AP3B1: variants seen among roughly 807,000 people sequenced by gnomAD.
AP3B1 encodes the protein AP-3 complex subunit beta-1.
A neutral mutation model predicts 132.5 loss-of-function variants in AP3B1; 61 were observed. That is an observed-to-expected ratio of 0.46 (90% confidence interval 0.37 to 0.57). The LOEUF is 0.57. Ranked by LOEUF, AP3B1 falls within the 20% of genes least tolerant of loss-of-function variation. The pLI, the probability that AP3B1 is intolerant of heterozygous loss-of-function variation, is 0.00. For synonymous variants in AP3B1, 388 were observed against 438.3 expected (o/e 0.89, Z 1.43); for missense variants, 1,120 against 1,289.4 (o/e 0.87, Z 2.01).
chr5:78,011,638 C>G (rs1746631042), intron 26 of AP3B1, among the ~76,000 whole-genome samples: 1 of 152,128 alleles, frequency 6.6e-6, no homozygotes, highest in South Asian at 2.1e-4. Flanking sequence ...TTTTCTGTTG[C>G]TGTGTTAGGA....
chr5:78,168,408 G>C (rs537796681), intron 11 of AP3B1, among the ~76,000 whole-genome samples: 1 of 151,588 alleles, frequency 6.6e-6, no homozygotes. Context: ...TTTTTTTGTA[G>C]GGACGGAGTC....
intron 23 of AP3B1, among the ~76,000 whole-genome samples, chr5:78,035,929 G>T (rs1747791461): frequency 6.6e-6 from 1 of 152,010 alleles, no homozygotes; most frequent in Non-Finnish European, 1.5e-5. Flanking sequence ...GCTGCTCCAG[G>T]CTATTCTTGA....
intron 18 of AP3B1, 141 bp from the exon 19 acceptor site, chr5:78,114,064 C>A (rs1751718262): frequency 1.5e-5 from 14 of 912,914 alleles, no homozygotes; most frequent in Non-Finnish European, 2.3e-5. Flanking sequence ...ACATTTTATT[C>A]CCACACCCCA....
In AP3B1 at chr5:78,279,216, T is replaced by C. The variant is rs190345345; in HGVS notation, c.129-11621A>G. Among the ~76,000 whole-genome samples the C allele has an allele frequency of 3.6e-3, 546 of 152,272 alleles. 3 individuals carry two copies. Among genetic ancestry groups the C allele is most frequent in the Middle Eastern group, 0.024 (7 of 294 alleles). Reference sequence around the variant, plus strand: ...TGAATGGGAGTTATGAGATATGGGATTGGAAGTTATATCCTTTCCACATCA... The same window carrying C: ...TGAATGGGAGTTATGAGATATGGGACTGGAAGTTATATCCTTTCCACATCA... On this transcript the variant is annotated intron_variant, in intron 1 of 26. Transcript: ENST00000255194.
intron 6 of AP3B1, among the ~76,000 whole-genome samples, chr5:78,221,743 A>G (rs917629785): frequency 6.6e-6 from 1 of 151,966 alleles, no homozygotes; most frequent in Non-Finnish European, 1.5e-5. Context: ...AAGAAAAAAA[A>G]TAACAGAATT....
At chr5:78,071,247 T>C (rs1261999253) in intron 22 of AP3B1, among the ~76,000 whole-genome samples, 1 of 152,224 alleles carries the variant, frequency 6.6e-6, no homozygotes, top group Admixed American at 6.5e-5. Context: ...AACAAGATCA[T>C]GTCCTTCACA....
chr5:78,193,770 A>ATATATATATATATATATATTTTTTTT, intron 7 of AP3B1, among the ~76,000 whole-genome samples: 2 of 67,214 alleles, frequency 3.0e-5, no homozygotes, highest in African/African-American at 5.2e-5. Context: ...ATATATATAT[A>ATATATATATATATATATATTTTTTTT]TTTTTTTTTT....
At chr5:78,144,969 G>A (rs368804549) in intron 14 of AP3B1, among the ~76,000 whole-genome samples, 19 of 152,050 alleles carry the variant, frequency 1.2e-4, no homozygotes, top group South Asian at 4.1e-4. Flanking sequence ...AAAGTTCTGG[G>A]ATTACAGGCA....
At chr5:78,034,325 A>G in intron 24 of AP3B1, 36 bp downstream of exon 24, 3 of 1,489,440 alleles carry the variant, frequency 2.0e-6, no homozygotes, top group Non-Finnish European at 2.8e-6. Flanking sequence ...TATCCTTTAC[A>G]GGTTATATAA....
At chr5:78,193,957 C>T (rs1481363046) in intron 7 of AP3B1, among the ~76,000 whole-genome samples, 13 of 151,150 alleles carry the variant, frequency 8.6e-5, no homozygotes, top group Non-Finnish European at 1.5e-4. Flanking sequence ...TTAGTAGAGA[C>T]GGGGTTTCAC....
At chr5:78,280,066 C>G (rs1257759915) in intron 1 of AP3B1, among the ~76,000 whole-genome samples, 7 of 125,092 alleles carry the variant, frequency 5.6e-5, no homozygotes, top group Non-Finnish European at 8.4e-5. Context: ...GGGTGAGACT[C>G]TGTCTCAAAA....
At chr5:78,032,634 A>T (rs1335054130) in intron 24 of AP3B1, among the ~76,000 whole-genome samples, 1 of 151,934 alleles carries the variant, frequency 6.6e-6, no homozygotes, top group East Asian at 1.9e-4. Context: ...TTGTGATTAC[A>T]CTGCTTCAGG....
At chr5:78,242,596 G>A (rs564706429) in intron 2 of AP3B1, among the ~76,000 whole-genome samples, 8 of 151,850 alleles carry the variant, frequency 5.3e-5, no homozygotes, top group Non-Finnish European at 1.0e-4. Context: ...TAGTAGAGAC[G>A]AGGTTTCGCC....
At chr5:78,075,844 C>T (rs113576214) in intron 22 of AP3B1, among the ~76,000 whole-genome samples, 70 of 152,288 alleles carry the variant, frequency 4.6e-4, no homozygotes, top group African/African-American at 1.6e-3. Context: ...ACTGATATTC[C>T]ATGCTAGCTT....
chr5:78,130,903 T>C (rs1173295483), intron 15 of AP3B1, among the ~76,000 whole-genome samples: 1 of 152,002 alleles, frequency 6.6e-6, no homozygotes, highest in Non-Finnish European at 1.5e-5. Context: ...ATTTGGCTTA[T>C]ATTTCTTAGC....
chr5:78,113,689 T>C (rs1254801145), intron 19 of AP3B1, 63 bp downstream of exon 19: 32 of 1,581,182 alleles, frequency 2.0e-5, no homozygotes, highest in Non-Finnish European at 2.8e-5. Flanking sequence ...ATAAGAAACA[T>C]CTCTGCCTGG....
At chr5:78,081,578 T>C (rs1239144437) in intron 22 of AP3B1, among the ~76,000 whole-genome samples, 1 of 152,094 alleles carries the variant, frequency 6.6e-6, no homozygotes, top group African/African-American at 2.4e-5. Context: ...ATTACAGGCG[T>C]GAGCCACCGC....
chr5:78,237,780 T>G (rs746450870), intron 3 of AP3B1, among the ~76,000 whole-genome samples: 23 of 152,100 alleles, frequency 1.5e-4, no homozygotes, highest in Non-Finnish European at 3.1e-4. Context: ...GCCACTGCAC[T>G]CCAACCTGGG....
At chr5:78,027,140 T>C (rs1324631914) in intron 24 of AP3B1, among the ~76,000 whole-genome samples, 1 of 152,078 alleles carries the variant, frequency 6.6e-6, no homozygotes, top group Non-Finnish European at 1.5e-5. Flanking sequence ...TATATCTTTC[T>C]GAGTACTGTG....
Sources: allele counts gnomAD v4.1 joint callset (sites outside exome capture counted in the v4.1 genomes callset), GRCh38; gene constraint gnomAD v4.1.1; transcripts MANE v1.5; gene names NCBI Gene and HGNC (gene_info 2026-07-23, HGNC 2026-07-21).